Variants in MAF observed in about 807,000 individuals in gnomAD.
MAF encodes the protein MAF bZIP transcription factor, also known as transcription factor Maf.
Under a neutral mutation model 22.0 loss-of-function variants are expected in MAF, and 10 were observed. The observed-to-expected ratio is 0.45, with a 90% CI of 0.28 to 0.77. The LOEUF (loss-of-function observed/expected upper bound fraction) is 0.77, where lower values mean the gene tolerates loss of function less well. MAF is among the 30% of genes least tolerant of loss of function. The pLI, the probability that MAF is intolerant of heterozygous loss-of-function variation, is 0.12. For missense variants in MAF, 544 were observed against 548.4 expected, an observed-to-expected ratio of 0.99 and a Z score of 0.08; for synonymous variants, 337 against 255.8, an observed-to-expected ratio of 1.32 and a Z score of -3.03.
chr16:79,460,381 A>T, the MAF span, among the ~76,000 whole-genome samples: 1 of 152,210 alleles, frequency 6.6e-6, no homozygotes, highest in East Asian at 1.9e-4. Flanking sequence ...TATGTATTAA[A>T]TAAGCTCTCT....
At chr16:79,398,705 C>CT in the MAF span, among the ~76,000 whole-genome samples, 2 of 151,944 alleles carry the variant, frequency 1.3e-5, no homozygotes, top group Non-Finnish European at 2.9e-5. Context: ...ACTTGACCTC[C>CT]CCATCCATAA....
chr16:79,365,129 AG>A, the MAF span, among the ~76,000 whole-genome samples: 2 of 152,228 alleles, frequency 1.3e-5, no homozygotes, highest in African/African-American at 2.4e-5. Context: ...TTACTAGTAT[AG>A]GAGCCCAAGG....
At chr16:79,373,359 C>CTTTTTTTTTTT in the MAF span, among the ~76,000 whole-genome samples, 13 of 33,326 alleles carry the variant, frequency 3.9e-4, 4 homozygotes, top group Non-Finnish European at 7.4e-4. Context: ...GGACTGGTAG[C>CTTTTTTTTTTT]TTTTTTTTTT....
the MAF span, among the ~76,000 whole-genome samples, chr16:79,467,379 A>G: frequency 2.0e-5 from 3 of 152,186 alleles, no homozygotes; most frequent in Non-Finnish European, 2.9e-5. Context: ...TTGCTCTCCA[A>G]TGGCATGCAT....
At chr16:79,408,465 C>T in the MAF span, among the ~76,000 whole-genome samples, 1 of 152,132 alleles carries the variant, frequency 6.6e-6, no homozygotes, top group African/African-American at 2.4e-5. Flanking sequence ...TGTGAGCCAC[C>T]GCACCCAGCC....
the MAF span, among the ~76,000 whole-genome samples, chr16:79,561,684 C>A: frequency 6.6e-6 from 1 of 152,148 alleles, no homozygotes; most frequent in Non-Finnish European, 1.5e-5. Context: ...GGAATCTCCA[C>A]TGCCCCTACA....
chr16:79,546,241 T>C, the MAF span, among the ~76,000 whole-genome samples: 2 of 152,072 alleles, frequency 1.3e-5, no homozygotes, highest in Admixed American at 1.3e-4. Flanking sequence ...ACCCCAGTCA[T>C]CTTAATTTAA....
the MAF span, among the ~76,000 whole-genome samples, chr16:79,218,304 A>G: frequency 6.7e-6 from 1 of 148,668 alleles, no homozygotes; most frequent in African/African-American, 2.5e-5. Flanking sequence ...CATATATCAC[A>G]TAGGTGATGG....
At chr16:79,380,627 G>A in the MAF span, among the ~76,000 whole-genome samples, 15 of 152,140 alleles carry the variant, frequency 9.9e-5, no homozygotes, top group Admixed American at 5.9e-4. Context: ...TAGTGTGCCT[G>A]GAACTGAATA....
At chr16:79,236,537 G>C in the MAF span, among the ~76,000 whole-genome samples, 2 of 152,030 alleles carry the variant, frequency 1.3e-5, no homozygotes, top group Non-Finnish European at 2.9e-5. Context: ...TCATCCATGA[G>C]ATCTTTCAAA....
At chr16:79,432,492 T>C in the MAF span, among the ~76,000 whole-genome samples, 12 of 152,182 alleles carry the variant, frequency 7.9e-5, no homozygotes, top group Admixed American at 6.5e-5. Context: ...ATTATAACAA[T>C]ATACTTAAAT....
chr16:79,285,941 A>G, the MAF span, among the ~76,000 whole-genome samples: 2 of 152,162 alleles, frequency 1.3e-5, no homozygotes, highest in African/African-American at 4.8e-5. Context: ...CTGCCCCCAT[A>G]TTTAGGGACG....
the MAF span, among the ~76,000 whole-genome samples, chr16:79,334,452 G>A: frequency 2.6e-5 from 4 of 152,296 alleles, no homozygotes; most frequent in East Asian, 1.9e-4. Context: ...GATTGTGCCC[G>A]AGGGACCTTT....
chr16:79,311,149 C>A, the MAF span, among the ~76,000 whole-genome samples: 1 of 151,958 alleles, frequency 6.6e-6, no homozygotes, highest in East Asian at 1.9e-4. Context: ...TCGCCAGGCT[C>A]TCTCCCTCCC....
the MAF span, among the ~76,000 whole-genome samples, chr16:79,566,776 A>C: frequency 6.6e-6 from 1 of 152,112 alleles, no homozygotes; most frequent in African/African-American, 2.4e-5. Flanking sequence ...GACTCCTTCC[A>C]CACTTCATGG....
chr16:79,211,843 C>G, the MAF span: 3 of 1,611,076 alleles, frequency 1.9e-6, no homozygotes, highest in Admixed American at 3.4e-5. Flanking sequence ...TGTGTGTGTC[C>G]CCTCACGCAA....
the MAF span, among the ~76,000 whole-genome samples, chr16:79,418,524 G>A: frequency 1.3e-5 from 2 of 152,174 alleles, no homozygotes; most frequent in South Asian, 2.1e-4. Flanking sequence ...AGGCAGCCCC[G>A]TGGTGAGGGG....
At chr16:79,337,711 A>G in the MAF span, among the ~76,000 whole-genome samples, 1 of 152,196 alleles carries the variant, frequency 6.6e-6, no homozygotes, top group East Asian at 1.9e-4. Context: ...AACACAATAC[A>G]TATACACACA....
the MAF span, chr16:79,206,311 G>C: frequency 6.6e-6 from 1 of 152,210 alleles, no homozygotes; most frequent in Non-Finnish European, 1.5e-5. Flanking sequence ...AATGGGCCAC[G>C]TGCAAATATT....
Sources: allele counts gnomAD v4.1 joint callset (sites outside exome capture counted in the v4.1 genomes callset), GRCh38; gene constraint gnomAD v4.1.1; transcripts MANE v1.5; gene names NCBI Gene and HGNC (gene_info 2026-07-23, HGNC 2026-07-21).